The following NSMCE2 variants were observed in gnomAD, a reference collection of about 807,000 sequenced individuals.
The protein encoded by NSMCE2 is E3 SUMO-protein ligase NSE2.
NSMCE2 carries 24 observed loss-of-function variants against 23.8 expected under a neutral mutation model. The ratio of observed to expected loss-of-function variants is 1.01; its 90% CI spans 0.73 to 1.42. NSMCE2 has a LOEUF of 1.42. NSMCE2 is among the 40% of genes most tolerant of loss of function. The pLI, the probability that NSMCE2 is intolerant of heterozygous loss-of-function variation, is 0.00. For synonymous variants in NSMCE2, 92 were observed against 94.1 expected (o/e 0.98, Z 0.13); for missense variants, 284 against 296.5 (o/e 0.96, Z 0.31).
intron 5 of NSMCE2, among the ~76,000 whole-genome samples, chr8:125,339,555 T>C (rs1830166949): frequency 6.6e-6 from 1 of 152,166 alleles, no homozygotes; most frequent in South Asian, 2.1e-4. Flanking sequence ...TTTCAGATGC[T>C]CCTATTCCCT....
intron 5 of NSMCE2, among the ~76,000 whole-genome samples, chr8:125,329,296 C>T (rs1407830664): frequency 1.3e-5 from 2 of 152,160 alleles, no homozygotes. Flanking sequence ...CAGCCCAGGT[C>T]CTTTCAATCT....
chr8:125,209,135 G>A (rs1021358519), intron 5 of NSMCE2, among the ~76,000 whole-genome samples: 2 of 152,084 alleles, frequency 1.3e-5, no homozygotes, highest in African/African-American at 4.8e-5. Flanking sequence ...TCAGCTATTT[G>A]TGTACTTTAA....
At chr8:125,092,616 A>G (rs1817721214) in intron 1 of NSMCE2, among the ~76,000 whole-genome samples, 1 of 152,226 alleles carries the variant, frequency 6.6e-6, no homozygotes, top group Non-Finnish European at 1.5e-5. Context: ...TTCAGAGAGA[A>G]GGGATTATCC....
At chr8:125,127,511 C>T (rs575463822) in intron 3 of NSMCE2, among the ~76,000 whole-genome samples, 4 of 152,146 alleles carry the variant, frequency 2.6e-5, no homozygotes, top group South Asian at 2.1e-4. Flanking sequence ...CTAAAATAGG[C>T]GTTTAAACCA....
chr8:125,336,400 G>T (rs1490195268), intron 5 of NSMCE2, among the ~76,000 whole-genome samples: 1 of 152,164 alleles, frequency 6.6e-6, no homozygotes, highest in East Asian at 1.9e-4. Context: ...AGATCAAATA[G>T]CTAGGGGAGG....
At chr8:125,133,002 A>C (rs991905955) in intron 3 of NSMCE2, among the ~76,000 whole-genome samples, 4 of 152,206 alleles carry the variant, frequency 2.6e-5, no homozygotes, top group African/African-American at 9.6e-5. Context: ...TATTAACTCA[A>C]AGTCTCAGAG....
At chr8:125,140,911 A>G (rs1258632380) in intron 3 of NSMCE2, among the ~76,000 whole-genome samples, 1 of 152,170 alleles carries the variant, frequency 6.6e-6, no homozygotes, top group Non-Finnish European at 1.5e-5. Flanking sequence ...ACCAGAGATT[A>G]GATAGAATTG....
At chr8:125,112,279 C>T (rs898275544) in intron 3 of NSMCE2, among the ~76,000 whole-genome samples, 1 of 152,092 alleles carries the variant, frequency 6.6e-6, no homozygotes, top group South Asian at 2.1e-4. Context: ...AAAGGGAAAC[C>T]CTTGTGTATT....
At chr8:125,252,712 A>G (rs1233833303) in intron 5 of NSMCE2, among the ~76,000 whole-genome samples, 1 of 152,272 alleles carries the variant, frequency 6.6e-6, no homozygotes, top group East Asian at 1.9e-4. Flanking sequence ...TTGATGGTTT[A>G]AAAATCAATC....
At chr8:125,227,251 G>A (rs1171401832) in intron 5 of NSMCE2, among the ~76,000 whole-genome samples, 2 of 152,168 alleles carry the variant, frequency 1.3e-5, no homozygotes, top group African/African-American at 4.8e-5. Flanking sequence ...TGGCAGTAGA[G>A]ATTTTATGAA....
chr8:125,153,324 T>C (rs1051496145), intron 4 of NSMCE2, among the ~76,000 whole-genome samples: 4 of 152,158 alleles, frequency 2.6e-5, no homozygotes, highest in African/African-American at 9.7e-5. Flanking sequence ...TCTGTTCTTT[T>C]ATAGGAAGAA....
rs192174952 is a variant in NSMCE2, at chr8:125,185,552, C to T, written c.418+3296C>T. Among the ~76,000 whole-genome samples, 831 of 152,218 alleles carry T rather than the reference C, an allele frequency of 5.5e-3. 23 individuals carry two copies. Among genetic ancestry groups the T allele is most frequent in the Non-Finnish European group, 8.2e-4 (56 of 68,008 alleles). ...AACTCCTGACTTCAGGGGATCCACT[C>T]GCCTCAGCCTCCCAAAATGTTGGGA... On this transcript the variant is annotated intron_variant, in intron 5 of 7. Transcript: ENST00000287437.
intron 5 of NSMCE2, among the ~76,000 whole-genome samples, chr8:125,223,189 G>A (rs1400183711): frequency 6.6e-6 from 1 of 151,534 alleles, no homozygotes; most frequent in East Asian, 2.0e-4. Context: ...AATCCCATCT[G>A]TACAAAAAAT....
chr8:125,250,552 G>T lies in NSMCE2; in HGVS notation c.418+68296G>T, dbSNP rs577134131. ...TTACTTGTTTCACTTATATTCTCAT[G>T]AATTCAGATTTGTCTTAAATTTTTA... is the stretch of plus-strand genomic sequence containing the variant. On this transcript the variant is annotated intron_variant, in intron 5 of 7. Coordinates refer to ENST00000287437, the MANE Select transcript of NSMCE2 (RefSeq NM_173685.4). Among the ~76,000 whole-genome samples, 4 of 152,272 alleles carry T rather than the reference G, an allele frequency of 2.6e-5. No individual in the cohort carries two copies. The East Asian group carries it at 7.7e-4, about 29-fold the overall frequency.
chr8:125,228,903 T>C (rs1563731784), intron 5 of NSMCE2, among the ~76,000 whole-genome samples: 1 of 152,176 alleles, frequency 6.6e-6, no homozygotes, highest in African/African-American at 2.4e-5. Context: ...CCTGAGTGAT[T>C]CCCTCTAAGT....
intron 5 of NSMCE2, among the ~76,000 whole-genome samples, chr8:125,302,344 T>C (rs995776017): frequency 6.6e-6 from 1 of 152,136 alleles, no homozygotes; most frequent in Non-Finnish European, 1.5e-5. Flanking sequence ...GAGGAATCAG[T>C]CCTTGCAAAG....
intron 5 of NSMCE2, among the ~76,000 whole-genome samples, chr8:125,331,727 C>T (rs1378006877): frequency 6.6e-6 from 1 of 152,176 alleles, no homozygotes; most frequent in African/African-American, 2.4e-5. Flanking sequence ...CCCAAATCCC[C>T]TGCAAGGAAT....
chr8:125,170,697 C>A (rs957771126), intron 4 of NSMCE2, among the ~76,000 whole-genome samples: 3 of 152,018 alleles, frequency 2.0e-5, no homozygotes, highest in Non-Finnish European at 4.4e-5. Context: ...CGTGAGCCAC[C>A]GCACCCAGCC....
intron 5 of NSMCE2, among the ~76,000 whole-genome samples, chr8:125,300,116 G>C (rs1282933424): frequency 6.6e-6 from 1 of 151,528 alleles, no homozygotes; most frequent in Non-Finnish European, 1.5e-5. Context: ...ACTACACCTG[G>C]ACAATTTTCG....
Sources: gnomAD v4.1 joint callset for allele counts (sites outside exome capture counted in the v4.1 genomes callset) on GRCh38, gnomAD v4.1.1 for gene constraint, MANE v1.5 for transcripts, NCBI Gene and HGNC (gene_info 2026-07-23, HGNC 2026-07-21) for gene names.